The following NCALD variants were observed in gnomAD, a reference collection of about 807,000 sequenced individuals.
NCALD encodes the protein neurocalcin-delta.
A neutral mutation model predicts 18.6 loss-of-function variants in NCALD; 10 were observed. The observed-to-expected ratio is 0.54, with a 90% CI of 0.33 to 0.91. NCALD has a LOEUF of 0.91. Among genes scored for constraint, NCALD ranks in the 40% least tolerant of loss-of-function variants. The pLI, the probability that NCALD is intolerant of heterozygous loss-of-function variation, is 0.03. For synonymous variants in NCALD, 88 were observed against 87.4 expected (o/e 1.01, Z -0.04); for missense variants, 184 against 247.6 (o/e 0.74, Z 1.72).
chr8:102,065,010 C>CA (rs34548051), intron 1 of NCALD, among the ~76,000 whole-genome samples: 26,772 of 87,304 alleles, frequency 0.31, 4,680 homozygotes, highest in East Asian at 0.52. Context: ...CTCACTTTGG[C>CA]AAAAAAAAAA....
chr8:102,086,053 G>A (rs1177840099), intron 1 of NCALD, among the ~76,000 whole-genome samples: 1 of 152,056 alleles, frequency 6.6e-6, no homozygotes, highest in East Asian at 1.9e-4. Context: ...TTGCATTTGG[G>A]TACCATGTTT....
chr8:101,945,526 A>C (rs1819134880), intron 2 of NCALD, among the ~76,000 whole-genome samples: 2 of 152,238 alleles, frequency 1.3e-5, no homozygotes, highest in African/African-American at 4.8e-5. Flanking sequence ...GCTATCAGCC[A>C]AACTCTCCAT....
chr8:101,820,187 G>T (rs1426599556), intron 4 of NCALD, among the ~76,000 whole-genome samples: 1 of 152,136 alleles, frequency 6.6e-6, no homozygotes, highest in Non-Finnish European at 1.5e-5. Flanking sequence ...CAGTGATTTT[G>T]TATACTTATA....
rs1204107573 is a variant in NCALD, at chr8:101,689,057, G to A, written c.*252C>T. The A allele has an allele frequency of 5.7e-6, 4 of 701,992 alleles. No homozygotes were observed. The highest frequency in any genetic ancestry group is 5.3e-5 in the African/African-American group (3 of 57,104). 43.5% of individuals were successfully genotyped at this position (701,992 alleles called of 1,614,324 possible). ...TAGAATAAAAAAAAATAATAGTAACGATTAAAAATCATCAAACAATGAACA... is the reference window on the plus strand; with the variant it reads ...TAGAATAAAAAAAAATAATAGTAACAATTAAAAATCATCAAACAATGAACA... On this transcript the variant is annotated 3_prime_UTR_variant, in exon 4 of 4. Coordinates refer to ENST00000220931, the MANE Select transcript of NCALD (RefSeq NM_032041.3). This position sits in a 1 kb window ranked among gnomAD's most constrained non-coding sequence, Gnocchi z 4.4.
At chr8:101,912,016 AT>A (rs1563889640) in intron 3 of NCALD, among the ~76,000 whole-genome samples, 1 of 152,214 alleles carries the variant, frequency 6.6e-6, no homozygotes, top group Non-Finnish European at 1.5e-5. Context: ...AAAAATATAC[AT>A]TTTTGAGGTC....
intron 2 of NCALD, chr8:101,975,445 T>C (rs924662715): frequency 1.3e-5 from 2 of 152,200 alleles, no homozygotes; most frequent in Non-Finnish European, 1.5e-5. Context: ...AGCTCCCAGG[T>C]GCTACTGCTG....
intron 2 of NCALD, among the ~76,000 whole-genome samples, chr8:101,929,269 GATGGA>G: frequency 1.8e-5 from 1 of 55,492 alleles, no homozygotes; most frequent in Non-Finnish European, 3.4e-5. Context: ...TGGAGGAAGG[GATGGA>G]GGGAGGGAGG....
At chr8:101,880,947 A>C (rs567191915) in intron 4 of NCALD, among the ~76,000 whole-genome samples, 1 of 152,310 alleles carries the variant, frequency 6.6e-6, no homozygotes, top group African/African-American at 2.4e-5. Flanking sequence ...AATGTCATGA[A>C]AAGGACTTAG....
chr8:101,750,786 C>A (rs1111884), intron 1 of NCALD: 101,097 of 151,588 alleles, frequency 0.67, 35,122 homozygotes, highest in Non-Finnish European at 0.76. Context: ...GAAGCCCCTA[C>A]CCTCATCTTC....
intron 2 of NCALD, among the ~76,000 whole-genome samples, chr8:101,704,916 G>A (rs185900404): frequency 6.4e-5 from 9 of 141,250 alleles, no homozygotes; most frequent in African/African-American, 2.1e-4. Flanking sequence ...CGAAAACTCC[G>A]TGTCAAAAAA....
chr8:102,094,813 G>A (rs1449972917), intron 1 of NCALD, among the ~76,000 whole-genome samples: 1 of 152,206 alleles, frequency 6.6e-6, no homozygotes, highest in Non-Finnish European at 1.5e-5. Flanking sequence ...AGATAAGAAT[G>A]TCATAGGAAG....
intron 1 of NCALD, among the ~76,000 whole-genome samples, chr8:102,088,984 G>A (rs1824834364): frequency 6.6e-6 from 1 of 152,134 alleles, no homozygotes; most frequent in African/African-American, 2.4e-5. Context: ...ATAAAACTGG[G>A]ACCCTTAATT....
At chr8:101,772,939 G>A (rs1424518617) in intron 1 of NCALD, among the ~76,000 whole-genome samples, 1 of 152,186 alleles carries the variant, frequency 6.6e-6, no homozygotes, top group Non-Finnish European at 1.5e-5. Flanking sequence ...AGGGGTAGGA[G>A]TAGACCCTAG....
At chr8:101,959,861 A>G (rs1017449402) in intron 2 of NCALD, among the ~76,000 whole-genome samples, 1 of 66,806 alleles carries the variant, frequency 1.5e-5, no homozygotes, top group Non-Finnish European at 3.3e-5. Flanking sequence ...ATACCCACCC[A>G]CCCTCCCTAC....
At chr8:101,893,230 T>C (rs1160280709) in intron 3 of NCALD, among the ~76,000 whole-genome samples, 2 of 151,938 alleles carry the variant, frequency 1.3e-5, no homozygotes, top group South Asian at 2.1e-4. Flanking sequence ...AAGAAAAGAA[T>C]TGTCAACCCA....
At chr8:102,061,199 CA>C (rs1329383220) in intron 1 of NCALD, among the ~76,000 whole-genome samples, 1 of 152,190 alleles carries the variant, frequency 6.6e-6, no homozygotes, top group Admixed American at 6.5e-5. Flanking sequence ...GCAGAATGAG[CA>C]GGGAGAAAGC....
chr8:101,738,049 A>G (rs1810003663), intron 1 of NCALD, among the ~76,000 whole-genome samples: 1 of 152,328 alleles, frequency 6.6e-6, no homozygotes, highest in African/African-American at 2.4e-5. Flanking sequence ...TTCCAAAGCT[A>G]CTGTCTGTGG....
intron 1 of NCALD, among the ~76,000 whole-genome samples, chr8:102,033,917 T>C (rs1169811562): frequency 6.6e-6 from 1 of 151,990 alleles, no homozygotes; most frequent in African/African-American, 2.4e-5. Flanking sequence ...ATATGGGAGT[T>C]GATACGGGAA....
At chr8:101,880,460 G>A (rs866435807) in intron 4 of NCALD, among the ~76,000 whole-genome samples, 22 of 152,310 alleles carry the variant, frequency 1.4e-4, no homozygotes, top group Middle Eastern at 3.4e-3. Context: ...CCCCCACAGC[G>A]CAGTGGCGGA....
Sources: gnomAD v4.1 joint callset for allele counts (sites outside exome capture counted in the v4.1 genomes callset) on GRCh38, gnomAD v4.1.1 for gene constraint, Gnocchi (gnomAD v3.1) non-coding constraint, MANE v1.5 for transcripts, NCBI Gene and HGNC (gene_info 2026-07-23, HGNC 2026-07-21) for gene names.